Variants in IL17RD observed in about 807,000 individuals in gnomAD.
IL17RD encodes the protein interleukin 17 receptor D.
Under a neutral mutation model 80.5 loss-of-function variants are expected in IL17RD, and 52 were observed. The observed-to-expected ratio is 0.65, with a 90% CI of 0.52 to 0.81. The LOEUF is 0.81. Among genes scored for constraint, IL17RD ranks in the 40% least tolerant of loss-of-function variants. The pLI, the probability that IL17RD is intolerant of heterozygous loss-of-function variation, is 0.00. For synonymous variants in IL17RD, 416 were observed against 391.8 expected (o/e 1.06, Z -0.73); for missense variants, 1,024 against 955.1 (o/e 1.07, Z -0.95).
chr3:57,100,687 TC>T (rs1193868753), intron 11 of IL17RD, among the ~76,000 whole-genome samples: 1 of 152,146 alleles, frequency 6.6e-6, no homozygotes, highest in Non-Finnish European at 1.5e-5. Flanking sequence ...TTATCACTTC[TC>T]CCTGGACCTC....
chr3:57,109,725 T>C, intron 4 of IL17RD, 68 bp from the exon 5 acceptor site: 1 of 1,512,304 alleles, frequency 6.6e-7, no homozygotes, highest in South Asian at 1.3e-5. Context: ...CATAAGGTCT[T>C]CGCTCCTACC....
At chr3:57,102,980 G>C in intron 9 of IL17RD, 111 bp downstream of exon 9, 1 of 714,888 alleles carries the variant, frequency 1.4e-6, no homozygotes. Context: ...CATCATTTAA[G>C]AGAGAGGAGC....
At chr3:57,164,813 G>T in intron 1 of IL17RD, 3 of 837,742 alleles carry the variant, frequency 3.6e-6, no homozygotes, top group Non-Finnish European at 4.5e-6. Context: ...CCCGGGACAC[G>T]CAGCCCTGGG....
Position 57,138,582 on chromosome 3 carries a change from A to G in IL17RD, c.127-18269T>C, listed in dbSNP as rs560003489. Among the ~76,000 whole-genome samples the G allele has an allele frequency of 1.1e-3, 171 of 152,258 alleles. 1 individual carries two copies. Among genetic ancestry groups the G allele is most frequent in the African/African-American group, 4.0e-3 (167 of 41,538 alleles). On this transcript the variant is annotated intron_variant, in intron 1 of 12. Transcript: ENST00000296318. The stretch of plus-strand genomic sequence containing the variant: ...TACCGAGGTGATGATGAAATATTCA[A>G]AGGTGACCTGCAGGCTCTTATTTGG...
intron 1 of IL17RD, among the ~76,000 whole-genome samples, chr3:57,153,488 G>A (rs2060243694): frequency 1.3e-5 from 2 of 152,216 alleles, no homozygotes; most frequent in African/African-American, 4.8e-5. Flanking sequence ...TAGAGGAACT[G>A]TTCTGTATTA....
intron 1 of IL17RD, among the ~76,000 whole-genome samples, chr3:57,154,260 T>TTATATATATA (rs751847693): frequency 1.4e-3 from 180 of 128,570 alleles, no homozygotes; most frequent in African/African-American, 5.5e-3. Flanking sequence ...AAAAAAAAAA[T>TTATATATATA]TATATATATA....
intron 2 of IL17RD, among the ~76,000 whole-genome samples, chr3:57,118,767 C>T (rs1188197542): frequency 3.9e-5 from 6 of 152,140 alleles, no homozygotes; most frequent in Non-Finnish European, 5.9e-5. Flanking sequence ...AATGAATGTA[C>T]ATTGCAGTCA....
intron 1 of IL17RD, among the ~76,000 whole-genome samples, chr3:57,129,590 G>A (rs753386478): frequency 2.6e-5 from 4 of 152,146 alleles, no homozygotes; most frequent in Non-Finnish European, 5.9e-5. Context: ...GGATTGTGAC[G>A]TTGCCATGGG....
At chr3:57,112,837 C>T (rs1361969049) in intron 3 of IL17RD, among the ~76,000 whole-genome samples, 1 of 152,174 alleles carries the variant, frequency 6.6e-6, no homozygotes, top group African/African-American at 2.4e-5. Flanking sequence ...CTCCCTTGGC[C>T]AGGTTTTCAC....
Position 57,098,171 on chromosome 3 carries a change from A to G in IL17RD, c.1532T>C (p.Leu511Ser). 1 of 1,613,932 alleles carries G rather than the reference A, an allele frequency of 6.2e-7. No individual in the cohort carries two copies. The change falls in exon 12 of 13, where the codon TTG becomes TCG. Residue 511 changes from leucine to serine, a missense_variant. By Grantham distance (145) the Leu-to-Ser change is moderately radical. Coordinates refer to ENST00000296318, the MANE Select transcript of IL17RD (RefSeq NM_017563.5). ...MDNLPQLCSH[L>S]HSRDHGLQEP... ...CTGGAGGCCGTGGTCTCGGGAGTGC[A>G]AGTGGGAACAGAGCTGAGGAAGATT...
Position 57,092,662 on chromosome 3 carries a change from A to G in IL17RD, c.*3731T>C, listed in dbSNP as rs1412460060. Reference sequence around the variant, plus strand: ...CATAAATCTGATTCTGAAATTAACAACTGGCTTGCCTTTCTTTTAAGACAC... The same window carrying G: ...CATAAATCTGATTCTGAAATTAACAGCTGGCTTGCCTTTCTTTTAAGACAC... On this transcript the variant is annotated 3_prime_UTR_variant, in exon 13 of 13. Transcript: ENST00000296318. 6.6e-6 allele frequency: 1 copy of G among 152,170 alleles called. No individual in the cohort carries two copies. Among genetic ancestry groups the G allele is most frequent in the Non-Finnish European group, 1.5e-5 (1 of 68,044 alleles). 9.4% of individuals were successfully genotyped at this position (152,170 alleles called of 1,614,324 possible).
rs776905598 is a variant in IL17RD at position 57,104,352 on chromosome 3, T to G, written c.803A>C (p.Tyr268Ser). 6.2e-7 allele frequency: 1 copy of G among 1,606,686 alleles called. No individual in the cohort carries two copies. The highest frequency in any genetic ancestry group is 1.1e-5 in the South Asian group (1 of 90,124). Residue 268 changes from tyrosine (Y) to serine (S), a missense_variant, in exon 8 of 13, where the codon TAT becomes TCT. By Grantham distance (144) the Tyr-to-Ser change is moderately radical. Coordinates refer to ENST00000296318, the MANE Select transcript of IL17RD (RefSeq NM_017563.5). ...TTGTGTTATGCATACCTCAATTATATAATCCCCTGGAGAAACATTTTGAAG... is the reference window on the plus strand; with the variant it reads ...TTGTGTTATGCATACCTCAATTATAGAATCCCCTGGAGAAACATTTTGAAG... ...CLLQNVSPGD[Y>S]IIELVDDTNT...
At chr3:57,159,516 C>T (rs548464311) in intron 1 of IL17RD, among the ~76,000 whole-genome samples, 2 of 152,286 alleles carry the variant, frequency 1.3e-5, no homozygotes, top group South Asian at 4.1e-4. Context: ...GTCACCTAAT[C>T]GTGTGTCAGG....
chr3:57,157,762 G>T (rs779708312), intron 1 of IL17RD, among the ~76,000 whole-genome samples: 1 of 152,144 alleles, frequency 6.6e-6, no homozygotes, highest in Non-Finnish European at 1.5e-5. Flanking sequence ...ACAGGGAAAG[G>T]GTTTCTAAAC....
chr3:57,164,168 C>T (rs975326458), intron 1 of IL17RD, among the ~76,000 whole-genome samples: 11 of 152,200 alleles, frequency 7.2e-5, no homozygotes, highest in African/African-American at 2.2e-4. Context: ...AAGGTCATGT[C>T]CCTGCTGCCT....
chr3:57,114,635 T>C (rs981765916), intron 3 of IL17RD, 57 bp downstream of exon 3: 1 of 1,516,740 alleles, frequency 6.6e-7, no homozygotes, highest in Non-Finnish European at 8.8e-7. Flanking sequence ...GTGGGACCTT[T>C]GCACTGGGCC....
chr3:57,155,084 G>C (rs2060258537), intron 1 of IL17RD, among the ~76,000 whole-genome samples: 1 of 152,184 alleles, frequency 6.6e-6, no homozygotes, highest in South Asian at 2.1e-4. Flanking sequence ...CCGGAAAGAA[G>C]GCAAAGAGCA....
At chr3:57,145,332 G>A (rs1025345588) in intron 1 of IL17RD, among the ~76,000 whole-genome samples, 1 of 152,084 alleles carries the variant, frequency 6.6e-6, no homozygotes, top group Admixed American at 6.6e-5. Context: ...GAGATGCACC[G>A]GGTCTTTGGC....
Position 57,097,773 on chromosome 3 carries a change from G to A in IL17RD, c.1930C>T (p.Gln644Ter). The A allele has an allele frequency of 6.2e-7, 1 of 1,602,292 alleles. No homozygotes were observed. Among genetic ancestry groups the A allele is most frequent in the Non-Finnish European group, 8.5e-7 (1 of 1,173,958 alleles). Residue 644 changes from glutamine (Q) to a stop codon, truncating the protein, a stop_gained, in exon 12 of 13, where the codon CAA (glutamine) becomes TAA (stop). Coordinates refer to ENST00000296318, the MANE Select transcript of IL17RD (RefSeq NM_017563.5). LOFTEE classifies it high-confidence loss of function. Reference sequence around the variant, plus strand: ...GCTTTCACCGTGTGCAGCAGGGGTTGCAGGGCGGCGCTACCGTCAAGGGCA... The same window carrying A: ...GCTTTCACCGTGTGCAGCAGGGGTTACAGGGCGGCGCTACCGTCAAGGGCA... ...RPALDGSAAL[Q>*]PLLHTVKAGS...
Sources: allele counts gnomAD v4.1 joint callset (sites outside exome capture counted in the v4.1 genomes callset), GRCh38; gene constraint gnomAD v4.1.1; transcripts MANE v1.5; gene names NCBI Gene and HGNC (gene_info 2026-07-23, HGNC 2026-07-21).